The following ARHGAP28 variants were observed in gnomAD, a reference collection of about 807,000 sequenced individuals.
ARHGAP28 encodes rho GTPase-activating protein 28.
A neutral mutation model predicts 90.7 loss-of-function variants in ARHGAP28; 56 were observed. The ratio of observed to expected loss-of-function variants is 0.62; its 90% confidence interval spans 0.50 to 0.77. The LOEUF is 0.77. Ranked by LOEUF, ARHGAP28 falls within the 30% of genes least tolerant of loss-of-function variation. The pLI, the probability that ARHGAP28 is intolerant of heterozygous loss-of-function variation, is 0.00. For synonymous variants in ARHGAP28, 308 were observed against 323.3 expected (o/e 0.95, Z 0.51); for missense variants, 869 against 900.9 (o/e 0.96, Z 0.45).
At chr18:6,891,782 G>A (rs1033758620) in intron 14 of ARHGAP28, among the ~76,000 whole-genome samples, 20 of 151,940 alleles carry the variant, frequency 1.3e-4, no homozygotes, top group Non-Finnish European at 2.5e-4. Flanking sequence ...TGTAGAGATG[G>A]GGGTCTTGCT....
chr18:6,731,088 C>T (rs2055877473), intron 1 of ARHGAP28, among the ~76,000 whole-genome samples: 1 of 152,104 alleles, frequency 6.6e-6, no homozygotes, highest in Non-Finnish European at 1.5e-5. Flanking sequence ...TCAAAAACAG[C>T]AGGTTGAGTG....
intron 1 of ARHGAP28, among the ~76,000 whole-genome samples, chr18:6,773,678 T>C (rs1170211616): frequency 6.6e-6 from 1 of 152,174 alleles, no homozygotes; most frequent in East Asian, 1.9e-4. Flanking sequence ...CATCCATGAA[T>C]TCTTTCCTTT....
chr18:6,866,162 A>G (rs75031859), intron 5 of ARHGAP28, among the ~76,000 whole-genome samples: 6,439 of 152,218 alleles, frequency 0.042, 421 homozygotes, highest in African/African-American at 0.15. Context: ...TCCACCATGA[A>G]TCATTCTTCT....
intron 13 of ARHGAP28, 134 bp downstream of exon 13, chr18:6,890,219 CT>C: frequency 1.0e-6 from 1 of 984,254 alleles, no homozygotes; most frequent in African/African-American, 1.6e-5. Context: ...CTGTGACAGC[CT>C]TACACCTTCT....
At chr18:6,872,992 G>GAAA (rs768115070) in intron 7 of ARHGAP28, among the ~76,000 whole-genome samples, 1 of 147,948 alleles carries the variant, frequency 6.8e-6, no homozygotes, top group East Asian at 2.0e-4. Context: ...GCCCAAGAAG[G>GAAA]AAAAAAAAAA....
intron 5 of ARHGAP28, among the ~76,000 whole-genome samples, chr18:6,867,006 G>A (rs969022006): frequency 2.6e-5 from 4 of 152,232 alleles, no homozygotes; most frequent in African/African-American, 4.8e-5. Context: ...TCTTTATTCC[G>A]TATTGTTACT....
At chr18:6,843,260 G>A (rs10775437) in intron 3 of ARHGAP28, among the ~76,000 whole-genome samples, 16,447 of 152,000 alleles carry the variant, frequency 0.11, 1,300 homozygotes, top group East Asian at 0.31. Context: ...CACTGCCACC[G>A]AGGCAGGTGT....
chr18:6,864,973 C>A (rs899717566), intron 5 of ARHGAP28, among the ~76,000 whole-genome samples: 22 of 152,292 alleles, frequency 1.4e-4, no homozygotes, highest in African/African-American at 5.3e-4. Context: ...CCCATATCCC[C>A]CCATTCCTAT....
chr18:6,729,838 C>G lies in ARHGAP28; in HGVS notation c.17C>G (p.Ser6Trp). 1 of 1,423,366 alleles carries G rather than the reference C, an allele frequency of 7.0e-7. No homozygotes were observed. The highest frequency in any genetic ancestry group is 1.5e-5 in the South Asian group (1 of 68,914). The allele number at this position is 1,423,366 out of a possible 1,614,324, so 88.2% of individuals were successfully genotyped here. A position where few individuals can be genotyped will look rare whatever the true frequency, so the allele number is the denominator to read the frequency against. Residue 6 changes from serine (S) to tryptophan (W), a missense_variant, in exon 1 of 18, where the codon TCG (serine) becomes TGG (tryptophan). Ser to Trp is a radical substitution (Grantham distance 177). Transcript: ENST00000383472. ...CGGCTGACGATGGAGGTGGAGGACT[C>G]GGGCGGCGTGGTGCTGACCGCCTAC... MEVED[S>W]GGVVLTAYHS...
chr18:6,737,547 G>A (rs1468329248), intron 1 of ARHGAP28, among the ~76,000 whole-genome samples: 2 of 152,106 alleles, frequency 1.3e-5, no homozygotes, highest in African/African-American at 2.4e-5. Flanking sequence ...CTGTTTAAAG[G>A]ACTAAAGTGT....
intron 1 of ARHGAP28, among the ~76,000 whole-genome samples, chr18:6,802,896 C>T (rs2056492569): frequency 6.6e-6 from 1 of 152,074 alleles, no homozygotes; most frequent in East Asian, 1.9e-4. Context: ...TGGTTGCTCA[C>T]TGTTAATATA....
intron 1 of ARHGAP28, among the ~76,000 whole-genome samples, chr18:6,738,043 T>C (rs1171893972): frequency 1.3e-5 from 2 of 152,204 alleles, no homozygotes; most frequent in African/African-American, 4.8e-5. Flanking sequence ...AATCTATGCA[T>C]TCCTTTTCTG....
Position 6,824,639 on chromosome 18 carries a change from T to C in ARHGAP28, c.123-123T>C. On this transcript the variant is annotated intron_variant, in intron 1 of 17. Coordinates refer to ENST00000383472, the MANE Select transcript of ARHGAP28 (RefSeq NM_001366230.1). Reference sequence around the variant, plus strand: ...TATTCCCTCAAACCTATCTCAACCATGGTTACTCCACTTCTCCATTTGATT... The same window carrying C: ...TATTCCCTCAAACCTATCTCAACCACGGTTACTCCACTTCTCCATTTGATT... 3.5e-6 allele frequency: 3 copies of C among 855,728 alleles called. No individual in the cohort carries two copies. The South Asian group carries it at 5.9e-5, about 17-fold the overall frequency. 53.0% of individuals were successfully genotyped at this position (855,728 alleles called of 1,614,324 possible). A position where few individuals can be genotyped will look rare whatever the true frequency, so the allele number is the denominator to read the frequency against.
At chr18:6,792,437 G>C (rs547229811) in intron 1 of ARHGAP28, among the ~76,000 whole-genome samples, 2 of 152,208 alleles carry the variant, frequency 1.3e-5, no homozygotes, top group Admixed American at 1.3e-4. Context: ...CCTGTGGTGA[G>C]TGTCCAGCAA....
intron 1 of ARHGAP28, among the ~76,000 whole-genome samples, chr18:6,758,103 T>TG (rs2056127095): frequency 6.6e-6 from 1 of 152,236 alleles, no homozygotes; most frequent in African/African-American, 2.4e-5. Flanking sequence ...AACAAACTGA[T>TG]GCCTGAGGAA....
chr18:6,795,220 C>T (rs983137141), intron 1 of ARHGAP28, among the ~76,000 whole-genome samples: 5 of 152,074 alleles, frequency 3.3e-5, no homozygotes, highest in Non-Finnish European at 5.9e-5. Flanking sequence ...TGAAAAGCAA[C>T]GCGTTTTCAT....
rs1447779988 is a variant in ARHGAP28 at position 6,870,735 on chromosome 18, A to G, written c.954+3A>G. On this transcript the variant is annotated splice_donor_region_variant and intron_variant, in intron 7 of 17. Coordinates refer to ENST00000383472, the MANE Select transcript of ARHGAP28 (RefSeq NM_001366230.1). ...AGAAAGAAGACTATGTTTTAACTGT[A>G]AGCAAAACCTTTCATGATTATTCCA... 5 of 1,592,246 alleles carry G rather than the reference A, an allele frequency of 3.1e-6. No homozygotes were observed. Among genetic ancestry groups the G allele is most frequent in the Admixed American group, 1.9e-5 (1 of 52,678 alleles).
intron 7 of ARHGAP28, among the ~76,000 whole-genome samples, chr18:6,872,977 T>G (rs191135432): frequency 6.6e-6 from 1 of 152,304 alleles, no homozygotes. Context: ...ATTTAAAGAT[T>G]GACTGCCCAA....
chr18:6,804,987 T>C (rs1355728074), intron 1 of ARHGAP28, among the ~76,000 whole-genome samples: 1 of 152,182 alleles, frequency 6.6e-6, no homozygotes, highest in African/African-American at 2.4e-5. Context: ...TTAGAAAAAG[T>C]TACTTATTAT....
Sources: gnomAD v4.1 joint callset for allele counts (sites outside exome capture counted in the v4.1 genomes callset) on GRCh38, gnomAD v4.1.1 for gene constraint, MANE v1.5 for transcripts, NCBI Gene and HGNC (gene_info 2026-07-23, HGNC 2026-07-21) for gene names.